Variants in CPQ observed in about 807,000 individuals in gnomAD.
CPQ encodes carboxypeptidase Q, also known as Ser-Met dipeptidase.
CPQ carries 37 observed loss-of-function variants against 45.7 expected under a neutral mutation model. The ratio of observed to expected loss-of-function variants is 0.81; its 90% CI spans 0.62 to 1.07. CPQ has a LOEUF of 1.07. CPQ is among the 50% of genes least tolerant of loss of function. The probability of loss-of-function intolerance (pLI) is 0.00; values close to 1 mark genes in which losing one functional copy is unlikely to be tolerated. For synonymous variants in CPQ, 186 were observed against 205.8 expected (o/e 0.90, Z 0.82); for missense variants, 537 against 572.9 (o/e 0.94, Z 0.64).
intron 7 of CPQ, among the ~76,000 whole-genome samples, chr8:97,070,411 T>C (rs2130536009): frequency 6.6e-6 from 1 of 152,286 alleles, no homozygotes; most frequent in East Asian, 1.9e-4. Context: ...GGTCAATAAT[T>C]TCTCATTCTT....
chr8:97,136,629 C>A (rs530575888), intron 7 of CPQ, among the ~76,000 whole-genome samples: 1 of 152,358 alleles, frequency 6.6e-6, no homozygotes, highest in African/African-American at 2.4e-5. Flanking sequence ...CTCCTAGGTG[C>A]AATGGCTCCT....
At chr8:97,114,598 CA>C (rs1482116397) in intron 7 of CPQ, among the ~76,000 whole-genome samples, 64 of 152,250 alleles carry the variant, frequency 4.2e-4, no homozygotes, top group African/African-American at 1.5e-3. Context: ...AAGTATATAT[CA>C]AGAATTTCAT....
chr8:97,018,134 T>A (rs755101426), intron 5 of CPQ, among the ~76,000 whole-genome samples: 1 of 151,972 alleles, frequency 6.6e-6, no homozygotes, highest in East Asian at 1.9e-4. Context: ...AGAAGAGAGA[T>A]AACAATCACT....
chr8:97,050,031 C>T (rs1810331297), intron 6 of CPQ, among the ~76,000 whole-genome samples: 2 of 152,136 alleles, frequency 1.3e-5, no homozygotes, highest in African/African-American at 2.4e-5. Flanking sequence ...TATAGCTTCT[C>T]CTGAAACTCT....
intron 1 of CPQ, among the ~76,000 whole-genome samples, chr8:96,685,497 G>T (rs550086933): frequency 1.3e-5 from 2 of 151,812 alleles, no homozygotes; most frequent in Admixed American, 6.6e-5. Flanking sequence ...CATTTTTTCC[G>T]ATGGGATTCA....
At chr8:96,747,736 T>C (rs1810209150) in intron 1 of CPQ, among the ~76,000 whole-genome samples, 1 of 152,206 alleles carries the variant, frequency 6.6e-6, no homozygotes, top group African/African-American at 2.4e-5. Context: ...TCTCAGACCA[T>C]AGCCTTTGGA....
intron 2 of CPQ, among the ~76,000 whole-genome samples, chr8:96,792,511 G>C (rs1429223606): frequency 6.6e-6 from 1 of 152,068 alleles, no homozygotes; most frequent in East Asian, 1.9e-4. Context: ...AAAATTTTAG[G>C]ATTGTATGTT....
At chr8:97,069,392 GC>G (rs1158273373) in intron 7 of CPQ, among the ~76,000 whole-genome samples, 4 of 151,534 alleles carry the variant, frequency 2.6e-5, no homozygotes, top group Non-Finnish European at 5.9e-5. Context: ...ACTTTGGGAG[GC>G]TGCAAGGTGG....
intron 1 of CPQ, among the ~76,000 whole-genome samples, chr8:96,647,932 CT>C (rs1815535886): frequency 6.6e-6 from 1 of 151,932 alleles, no homozygotes; most frequent in African/African-American, 2.4e-5. Flanking sequence ...AGTGTTGTTT[CT>C]TGGACTAGCT....
At chr8:96,768,095 G>T (rs539107282) in intron 1 of CPQ, among the ~76,000 whole-genome samples, 123 of 151,558 alleles carry the variant, frequency 8.1e-4, no homozygotes, top group African/African-American at 2.9e-3. Context: ...ATTTCCTGCC[G>T]TGAAACATCT....
intron 7 of CPQ, among the ~76,000 whole-genome samples, chr8:97,126,219 C>T (rs558125452): frequency 5.3e-5 from 8 of 152,246 alleles, no homozygotes; most frequent in South Asian, 2.1e-4. Flanking sequence ...AATATATACA[C>T]GTCTTCTGCA....
chr8:96,737,331 C>G (rs1422665098), intron 1 of CPQ, among the ~76,000 whole-genome samples: 5 of 103,430 alleles, frequency 4.8e-5, no homozygotes, highest in Non-Finnish European at 4.1e-5. Context: ...TATATATACA[C>G]ACACTCACAC....
chr8:96,657,209 G>C (rs1031782752), intron 1 of CPQ, among the ~76,000 whole-genome samples: 1 of 152,062 alleles, frequency 6.6e-6, no homozygotes, highest in Non-Finnish European at 1.5e-5. Context: ...GCTGGACGTG[G>C]TGGTGTGCGT....
At chr8:97,057,483 C>T (rs1220951085) in intron 6 of CPQ, among the ~76,000 whole-genome samples, 1 of 152,082 alleles carries the variant, frequency 6.6e-6, no homozygotes, top group East Asian at 1.9e-4. Context: ...ACTTTCTCTT[C>T]CTAGATAATG....
chr8:96,718,467 C>T (rs1809715111), intron 1 of CPQ, among the ~76,000 whole-genome samples: 1 of 152,110 alleles, frequency 6.6e-6, no homozygotes, highest in African/African-American at 2.4e-5. Flanking sequence ...TCGTTCCCCC[C>T]AGTGGGCTTG....
At chr8:96,844,814 G>A (rs1022172405) in intron 3 of CPQ, among the ~76,000 whole-genome samples, 1 of 152,078 alleles carries the variant, frequency 6.6e-6, no homozygotes. Context: ...TTTATCTCCC[G>A]ATTTCGGGAG....
At chr8:97,109,819 G>A (rs1040477420) in intron 7 of CPQ, among the ~76,000 whole-genome samples, 1 of 151,566 alleles carries the variant, frequency 6.6e-6, no homozygotes, top group Non-Finnish European at 1.5e-5. Context: ...CACATGACTC[G>A]TCCTCAGGCC....
At chr8:96,702,855 G>T (rs980002871) in intron 1 of CPQ, among the ~76,000 whole-genome samples, 1 of 152,070 alleles carries the variant, frequency 6.6e-6, no homozygotes, top group Admixed American at 6.6e-5. Flanking sequence ...TTTTGGGGGG[G>T]TTGTGATTTT....
chr8:96,902,499 T>G (rs538327342), intron 4 of CPQ, among the ~76,000 whole-genome samples: 1 of 152,234 alleles, frequency 6.6e-6, no homozygotes, highest in African/African-American at 2.4e-5. Flanking sequence ...TAAATTTCCT[T>G]GATGAAAGAC....
Sources: allele counts gnomAD v4.1 joint callset (sites outside exome capture counted in the v4.1 genomes callset), GRCh38; gene constraint gnomAD v4.1.1; transcripts MANE v1.5; gene names NCBI Gene and HGNC (gene_info 2026-07-23, HGNC 2026-07-21).